CLCN5: variants seen among roughly 807,000 people sequenced by gnomAD.
CLCN5 encodes the protein Cl-/H+ antiporter 5.
A neutral mutation model predicts 54.0 loss-of-function variants in CLCN5; 17 were observed. That is an observed-to-expected ratio of 0.31 (90% confidence interval 0.22 to 0.47). CLCN5 has a LOEUF of 0.47. CLCN5 is among the 20% of genes least tolerant of loss of function. CLCN5 has a pLI of 1.00. For synonymous variants in CLCN5, 222 were observed against 233.0 expected, an observed-to-expected ratio of 0.95 and a Z score of 0.43; for missense variants, 448 against 646.7, an observed-to-expected ratio of 0.69 and a Z score of 3.33.
intron 3 of CLCN5, among the ~76,000 whole-genome samples, chrX:50,019,388 A>G (rs1287731824): frequency 9.2e-6 from 1 of 108,895 alleles, no homozygotes; most frequent in Non-Finnish European, 1.9e-5. Flanking sequence ...TATCACAATC[A>G]GATCACGGTA....
At chrX:49,943,723 C>T (rs1332476305) in intron 3 of CLCN5, among the ~76,000 whole-genome samples, 17 of 111,294 alleles carry the variant, frequency 1.5e-4, no homozygotes, top group Non-Finnish European at 2.5e-4. Context: ...AGATATGTGG[C>T]ATTATTTCTG....
chrX:49,934,389 C>T (rs782705746), intron 3 of CLCN5, among the ~76,000 whole-genome samples: 23 of 111,031 alleles, frequency 2.1e-4, no homozygotes, highest in African/African-American at 7.5e-4. Context: ...TTGGGGGAGG[C>T]AGGACTAGAA....
At chrX:49,974,645 A>G (rs1348499623) in intron 3 of CLCN5, among the ~76,000 whole-genome samples, 2 of 111,870 alleles carry the variant, frequency 1.8e-5, no homozygotes, top group South Asian at 3.7e-4. Context: ...GCCCATCTCT[A>G]TCTGATTCCA....
chrX:49,927,590 A>G (rs1925414534), intron 3 of CLCN5, among the ~76,000 whole-genome samples: 1 of 112,013 alleles, frequency 8.9e-6, no homozygotes, highest in Non-Finnish European at 1.9e-5. Context: ...AAGTAACTTA[A>G]TCTCTCTGTG....
chrX:50,012,186 C>T (rs1256631084), intron 3 of CLCN5, among the ~76,000 whole-genome samples: 2 of 111,330 alleles, frequency 1.8e-5, no homozygotes, highest in Non-Finnish European at 3.8e-5. Context: ...ATCCCCTCTC[C>T]AACCCCCCAA....
intron 6 of CLCN5, among the ~76,000 whole-genome samples, chrX:50,074,415 A>G (rs974215273): frequency 1.8e-5 from 2 of 111,684 alleles, no homozygotes; most frequent in East Asian, 2.8e-4. Flanking sequence ...GACAGGATTG[A>G]GGGTACCAGT....
At chrX:50,086,084 A>G (rs1557193837) in intron 10 of CLCN5, 24 bp downstream of exon 10, 5 of 1,100,763 alleles carry the variant, frequency 4.5e-6, no homozygotes, top group Non-Finnish European at 6.3e-6. Context: ...ATTGTACAGC[A>G]TGTGCATGCT....
intron 3 of CLCN5, among the ~76,000 whole-genome samples, chrX:49,965,855 C>T (rs1228990347): frequency 1.9e-5 from 2 of 107,759 alleles, no homozygotes; most frequent in Admixed American, 1.9e-4. Flanking sequence ...TGGTTTTTCT[C>T]TATCTATTGT....
At chrX:49,993,682 A>G (rs1929371871) in intron 3 of CLCN5, among the ~76,000 whole-genome samples, 2 of 112,605 alleles carry the variant, frequency 1.8e-5, no homozygotes, top group Admixed American at 1.9e-4. Context: ...AGTGAGTGGC[A>G]TTGTCCTAAG....
intron 3 of CLCN5, among the ~76,000 whole-genome samples, chrX:50,006,069 TAGG>T (rs1172506773): frequency 9.8e-5 from 11 of 112,083 alleles, no homozygotes; most frequent in Non-Finnish European, 1.9e-4. Context: ...GTATGGCAAA[TAGG>T]AGGAGAAAGT....
At chrX:50,086,244 A>T in intron 10 of CLCN5, 84 bp from the exon 11 acceptor site, 2 of 1,028,030 alleles carry the variant, frequency 1.9e-6, no homozygotes, top group Non-Finnish European at 2.7e-6. Context: ...CCATTAGTTG[A>T]CTCTCATGCC....
intron 3 of CLCN5, among the ~76,000 whole-genome samples, chrX:49,966,598 T>A (rs1228979128): frequency 2.6e-3 from 38 of 14,894 alleles, no homozygotes; most frequent in Admixed American, 4.8e-3. Flanking sequence ...TCTTTTTTTT[T>A]TTTTTTTTTT....
At chrX:49,967,455 G>A (rs782005886) in intron 3 of CLCN5, among the ~76,000 whole-genome samples, 1 of 89,055 alleles carries the variant, frequency 1.1e-5, no homozygotes, top group South Asian at 5.0e-4. Context: ...CCCACTTTTT[G>A]ATGGGGTTGT....
intron 3 of CLCN5, among the ~76,000 whole-genome samples, chrX:49,948,636 T>C (rs1277970458): frequency 8.9e-6 from 1 of 111,885 alleles, no homozygotes; most frequent in Admixed American, 9.5e-5. Flanking sequence ...AATAACCCTC[T>C]GTCAGTACTT....
chrX:49,978,216 G>A (rs1297797946), intron 3 of CLCN5, among the ~76,000 whole-genome samples: 1 of 111,842 alleles, frequency 8.9e-6, no homozygotes, highest in African/African-American at 3.3e-5. Context: ...AAGGGCCTGT[G>A]TGTGCAGGGT....
chrX:50,009,136 A>G (rs1383386978), intron 3 of CLCN5: 5 of 273,018 alleles, frequency 1.8e-5, no homozygotes, highest in Non-Finnish European at 7.3e-6. Context: ...GTGGAGATAC[A>G]ACGGTAAATA....
intron 6 of CLCN5, among the ~76,000 whole-genome samples, chrX:50,074,422 C>A (rs782478797): frequency 1.8e-5 from 2 of 111,265 alleles, no homozygotes; most frequent in Admixed American, 9.5e-5. Context: ...TTGAGGGTAC[C>A]AGTGTTAGGT....
chrX:49,943,574 T>C (rs1926511116), intron 3 of CLCN5, among the ~76,000 whole-genome samples: 1 of 107,823 alleles, frequency 9.3e-6, no homozygotes, highest in Non-Finnish European at 1.9e-5. Context: ...TGAATTAATT[T>C]TTGTATAAGG....
intron 9 of CLCN5, chrX:50,085,760 G>T: frequency 2.3e-6 from 1 of 436,403 alleles, no homozygotes; most frequent in South Asian, 3.2e-5. Context: ...ATGGCTAAAT[G>T]AATTACAAAG....
Sources: allele counts gnomAD v4.1 joint callset (sites outside exome capture counted in the v4.1 genomes callset), GRCh38; gene constraint gnomAD v4.1.1; transcripts MANE v1.5; gene names NCBI Gene and HGNC (gene_info 2026-07-23, HGNC 2026-07-21).